Variants in ZNF282 observed in about 807,000 individuals in gnomAD.
The protein encoded by ZNF282 is zinc finger protein 282.
Under a neutral mutation model 61.9 loss-of-function variants are expected in ZNF282, and 30 were observed. That is an observed-to-expected ratio of 0.48 (90% confidence interval 0.36 to 0.66). The LOEUF is 0.66. Ranked by LOEUF, ZNF282 falls within the 30% of genes least tolerant of loss-of-function variation. ZNF282 has a pLI of 0.00. For missense variants in ZNF282, 788 were observed against 941.4 expected, an observed-to-expected ratio of 0.84 and a Z score of 2.13; for synonymous variants, 396 against 405.0, an observed-to-expected ratio of 0.98 and a Z score of 0.27.
intron 2 of ZNF282, among the ~76,000 whole-genome samples, chr7:149,200,848 G>T (rs367975372): frequency 4.2e-4 from 64 of 152,170 alleles, no homozygotes; most frequent in African/African-American, 1.4e-3. Flanking sequence ...CCACCTGCCT[G>T]GGCCTCCCAA....
intron 1 of ZNF282, among the ~76,000 whole-genome samples, chr7:149,196,139 G>A (rs1280209399): frequency 6.6e-6 from 1 of 152,186 alleles, no homozygotes; most frequent in East Asian, 1.9e-4. Flanking sequence ...GCTTCCGCCC[G>A]GCCGCAGAAG....
intron 7 of ZNF282, among the ~76,000 whole-genome samples, chr7:149,220,428 A>G (rs929934677): frequency 1.1e-4 from 17 of 152,104 alleles, no homozygotes; most frequent in Non-Finnish European, 2.4e-4. Context: ...AAAAAAAAAG[A>G]ATAAAGAAAT....
chr7:149,213,899 A>G, intron 7 of ZNF282, 85 bp downstream of exon 7: 1 of 909,082 alleles, frequency 1.1e-6, no homozygotes, highest in Non-Finnish European at 1.7e-6. Flanking sequence ...TCCTCTTCTC[A>G]GCTCACCCCT....
rs1796325604 is a variant in ZNF282 at position 149,224,439 on chromosome 7, A to G, written c.1808A>G (p.Gln603Arg). The change falls in exon 8 of 8, where the codon CAA (glutamine) becomes CGA (arginine). Residue 603 changes from glutamine to arginine, a missense_variant. Transcript: ENST00000610704. ...QRLHTGERPF[Q>R]CALCGKSFIR... ...CTGCACACGGGCGAGCGGCCTTTCC[A>G]ATGTGCACTGTGCGGCAAGAGCTTC... 3 of 1,613,282 alleles carry G rather than the reference A, an allele frequency of 1.9e-6. No individual in the cohort carries two copies. The African/African-American group carries it at 4.0e-5, about 22-fold the overall frequency.
At chr7:149,209,849 G>A (rs1195004729) in intron 4 of ZNF282, among the ~76,000 whole-genome samples, 2 of 152,194 alleles carry the variant, frequency 1.3e-5, no homozygotes, top group Admixed American at 6.5e-5. Flanking sequence ...TGCACAGTGA[G>A]TCCTCACTTA....
chr7:149,209,628 A>G (rs1294866502), intron 4 of ZNF282, among the ~76,000 whole-genome samples: 5 of 152,198 alleles, frequency 3.3e-5, no homozygotes, highest in Non-Finnish European at 7.3e-5. Flanking sequence ...CTTTTTGTAG[A>G]TGAAAAGGGT....
intron 2 of ZNF282, among the ~76,000 whole-genome samples, chr7:149,201,748 T>C (rs988398648): frequency 7.2e-5 from 11 of 151,752 alleles, no homozygotes; most frequent in African/African-American, 2.2e-4. Flanking sequence ...TGAGAATCTG[T>C]CTTAAAAAAA....
rs749207653 is a variant in ZNF282 at position 149,198,309 on chromosome 7, G to T, written c.166-24G>T. ...CTCACACAAGGTCTCATCCTGGGTT[G>T]TCGCTTTCTCCCTCTGCATACAGGC... On this transcript the variant is annotated intron_variant, in intron 1 of 7. Transcript: ENST00000610704. The surrounding 1 kb of genome is among the most constrained non-coding windows in gnomAD (Gnocchi z 4.3). The T allele has an allele frequency of 4.4e-6, 7 of 1,575,182 alleles. No individual in the cohort carries two copies. The highest frequency in any genetic ancestry group is 6.0e-6 in the Non-Finnish European group (7 of 1,158,302).
At chr7:149,214,747 C>T (rs1323541378) in intron 7 of ZNF282, among the ~76,000 whole-genome samples, 7 of 152,132 alleles carry the variant, frequency 4.6e-5, no homozygotes, top group Non-Finnish European at 7.4e-5. Context: ...GTGAGAGGAT[C>T]GCTTGAGCCT....
At chr7:149,209,879 G>A (rs929139298) in intron 4 of ZNF282, among the ~76,000 whole-genome samples, 3 of 152,074 alleles carry the variant, frequency 2.0e-5, no homozygotes, top group African/African-American at 7.2e-5. Flanking sequence ...ATAGGGTCTC[G>A]GAAACTGTGG....
In ZNF282 at chr7:149,210,598, G is replaced by C. The variant is rs1796066721; in HGVS notation, c.846G>C (p.Leu282=). 6.2e-7 allele frequency: 1 copy of C among 1,611,630 alleles called. No homozygotes were observed. The highest frequency in any genetic ancestry group is 8.5e-7 in the Non-Finnish European group (1 of 1,179,120). The change falls in exon 5 of 8, where the codon CTG becomes CTC. Residue 282 remains leucine (L), a synonymous_variant. Transcript: ENST00000610704. ...PMDPEAGAEP[L]VPAQDASSQV... ...CTCTGTCCCCAGGAGCAGAGCCCCT[G>C]GTGCCTGCGCAGGATGCGTCCTCCC...
rs1455991130 is a variant in ZNF282, at chr7:149,224,835, C to T, written c.*188C>T. On this transcript the variant is annotated 3_prime_UTR_variant, in exon 8 of 8. Transcript: ENST00000610704. ...TGGTCTGAATGGACGCCCAGCTCAT[C>T]TAGGGTGGACCCAGCTGCTGGGGAA... is the stretch of plus-strand genomic sequence containing the variant. 1 of 1,097,044 alleles carries T rather than the reference C, an allele frequency of 9.1e-7. No homozygotes were observed. The highest frequency in any genetic ancestry group is 1.3e-6 in the Non-Finnish European group (1 of 796,872). 68.0% of individuals were successfully genotyped at this position (1,097,044 alleles called of 1,614,324 possible).
At chr7:149,218,553 T>C (rs188673510) in intron 7 of ZNF282, among the ~76,000 whole-genome samples, 20 of 152,310 alleles carry the variant, frequency 1.3e-4, no homozygotes, top group Non-Finnish European at 1.3e-4. Context: ...TATAGGAGTC[T>C]GAAGTTCAAG....
intron 4 of ZNF282, among the ~76,000 whole-genome samples, chr7:149,209,175 G>A (rs1034083882): frequency 3.3e-5 from 5 of 150,692 alleles, no homozygotes; most frequent in Admixed American, 6.6e-5. Flanking sequence ...AAAATTAGCC[G>A]GGCGTGGTGG....
At chr7:149,212,540 A>C in intron 6 of ZNF282, 69 bp downstream of exon 6, 1 of 1,260,016 alleles carries the variant, frequency 7.9e-7, no homozygotes. Context: ...TAAATTAATA[A>C]TTTATTGTGT....
rs139978748 is a variant in ZNF282 at position 149,221,260 on chromosome 7, C to T, written c.1181-2552C>T. On this transcript the variant is annotated intron_variant, in intron 7 of 7. Coordinates refer to ENST00000610704, the MANE Select transcript of ZNF282 (RefSeq NM_003575.4). Reference sequence around the variant, plus strand: ...CAGCTGCCTGAGTGCAGTCACAGGACTGGAGTTCTCCAGGCAAGCACAACG... The same window carrying T: ...CAGCTGCCTGAGTGCAGTCACAGGATTGGAGTTCTCCAGGCAAGCACAACG... Among the ~76,000 whole-genome samples the T allele has an allele frequency of 1.5e-3, 226 of 152,330 alleles. 1 individual carries two copies. The highest frequency in any genetic ancestry group is 5.0e-3 in the African/African-American group (207 of 41,580).
In ZNF282 at chr7:149,224,685, TC is replaced by T; in HGVS notation, c.*39del. ...GGAGGGCAGGGCCGGACGGAGTGGA[TC>T]GGGGGCGGCCTGAGCACCAACCACC... On this transcript the variant is annotated 3_prime_UTR_variant, in exon 8 of 8. Transcript: ENST00000610704. The T allele has an allele frequency of 6.9e-7, 1 of 1,456,922 alleles. No homozygotes were observed. The highest frequency in any genetic ancestry group is 2.6e-5 in the Admixed American group (1 of 39,094). The allele number at this position is 1,456,922 out of a possible 1,614,324, so 90.2% of individuals were successfully genotyped here.
At chr7:149,196,027 C>T (rs1171665231) in intron 1 of ZNF282, among the ~76,000 whole-genome samples, 2 of 151,620 alleles carry the variant, frequency 1.3e-5, no homozygotes, top group Non-Finnish European at 2.9e-5. Context: ...GGGCGGGGGC[C>T]GGGACCGTCC....
chr7:149,207,240 G>T, intron 3 of ZNF282, 111 bp from the exon 4 acceptor site: 2 of 1,389,414 alleles, frequency 1.4e-6, no homozygotes, highest in South Asian at 1.5e-5. Context: ...TGCCAAAGAG[G>T]GACACCCAGG....
Sources: allele counts gnomAD v4.1 joint callset (sites outside exome capture counted in the v4.1 genomes callset), GRCh38; gene constraint gnomAD v4.1.1; non-coding constraint Gnocchi (gnomAD v3.1); transcripts MANE v1.5; gene names NCBI Gene and HGNC (gene_info 2026-07-23, HGNC 2026-07-21).